The following SVOP variants were observed in gnomAD, a reference collection of about 807,000 sequenced individuals.
The protein encoded by SVOP is SV2 related protein, also known as synaptic vesicle 2-related protein.
SVOP carries 17 observed loss-of-function variants against 69.1 expected under a neutral mutation model. That is an observed-to-expected ratio of 0.25 (90% confidence interval 0.17 to 0.37). SVOP has a LOEUF of 0.37. Among genes scored for constraint, SVOP ranks in the 10% least tolerant of loss-of-function variants. The probability of loss-of-function intolerance (pLI) is 1.00; values close to 1 mark genes in which losing one functional copy is unlikely to be tolerated. For missense variants in SVOP, 435 were observed against 597.5 expected, an observed-to-expected ratio of 0.73 and a Z score of 2.84; for synonymous variants, 238 against 238.6, an observed-to-expected ratio of 1.00 and a Z score of 0.02.
intron 11 of SVOP, among the ~76,000 whole-genome samples, chr12:108,925,952 T>A (rs1276607017): frequency 6.6e-6 from 1 of 150,962 alleles, no homozygotes; most frequent in Non-Finnish European, 1.5e-5. Flanking sequence ...AGGGTCTCAC[T>A]TTGTCACCCA....
At position 108,922,734 on chromosome 12, in the gene SVOP, T is replaced by A; in HGVS notation, c.1112A>T (p.Glu371Val). The change falls in exon 12 of 16, where the codon GAG (glutamate) becomes GTG (valine). Residue 371 changes from glutamate (E) to valine (V), a missense_variant. Transcript: ENST00000610966. ...CSLACEYLSEEDYMDLLWTTL... is the reference protein window; with the variant it reads ...CSLACEYLSEVDYMDLLWTTL... ...GGTCCACAGCAAGTCCATGTAATCC[T>A]CCTCACTCAGGTACTCGCAGGCCAG... 1 of 1,611,750 alleles carries A rather than the reference T, an allele frequency of 6.2e-7. No individual in the cohort carries two copies.
chr12:108,960,737 A>T (rs1441612014), intron 6 of SVOP, among the ~76,000 whole-genome samples, 186 bp downstream of exon 6: 1 of 152,044 alleles, frequency 6.6e-6, no homozygotes, highest in Non-Finnish European at 1.5e-5. Context: ...GCTGTTGTTG[A>T]TCATAACAAT....
intron 1 of SVOP, among the ~76,000 whole-genome samples, chr12:108,988,423 A>G (rs1190836989): frequency 6.6e-6 from 1 of 152,140 alleles, no homozygotes; most frequent in Non-Finnish European, 1.5e-5. Flanking sequence ...TAAGAGTCCA[A>G]CTTCATTCTT....
chr12:108,944,479 T>G (rs2039911394), intron 7 of SVOP, among the ~76,000 whole-genome samples: 2 of 152,300 alleles, frequency 1.3e-5, no homozygotes, highest in South Asian at 4.1e-4. Context: ...AGTGGGTTCA[T>G]AGTCATCACT....
chr12:108,951,711 T>C (rs2137415027), intron 6 of SVOP, among the ~76,000 whole-genome samples: 1 of 152,346 alleles, frequency 6.6e-6, no homozygotes, highest in East Asian at 1.9e-4. Flanking sequence ...ACCTTCTGAC[T>C]ATATATGCCT....
At chr12:108,980,736 A>G (rs1167671289) in intron 2 of SVOP, among the ~76,000 whole-genome samples, 7 of 86,026 alleles carry the variant, frequency 8.1e-5, no homozygotes, top group South Asian at 3.2e-4. Flanking sequence ...TGGCCTGGGC[A>G]ACAGAGCGAG....
chr12:108,977,591 A>G, intron 3 of SVOP, 95 bp from the exon 4 acceptor site: 1 of 785,456 alleles, frequency 1.3e-6, no homozygotes, highest in Non-Finnish European at 2.1e-6. Flanking sequence ...AGACTGTAGC[A>G]CACCCCTCTC....
intron 9 of SVOP, among the ~76,000 whole-genome samples, chr12:108,938,182 G>A (rs1173062116): frequency 6.6e-6 from 1 of 152,226 alleles, no homozygotes; most frequent in Non-Finnish European, 1.5e-5. Flanking sequence ...TATTTTAAAA[G>A]GTAATTTCTT....
intron 6 of SVOP, among the ~76,000 whole-genome samples, chr12:108,946,690 T>TTTATTATTATTATTA (rs370752888): frequency 7.3e-6 from 1 of 136,526 alleles, no homozygotes; most frequent in Non-Finnish European, 1.6e-5. Flanking sequence ...GCAACCTGTT[T>TTTATTATTATTATTA]TTATTATTAT....
At chr12:108,968,221 T>A (rs999827477) in intron 5 of SVOP, among the ~76,000 whole-genome samples, 2 of 152,170 alleles carry the variant, frequency 1.3e-5, no homozygotes, top group Non-Finnish European at 2.9e-5. Context: ...ATTTATTGAG[T>A]GTGCACTCTC....
chr12:108,974,336 A>G (rs959839153), intron 4 of SVOP, among the ~76,000 whole-genome samples: 12 of 152,206 alleles, frequency 7.9e-5, no homozygotes, highest in Non-Finnish European at 1.5e-5. Context: ...TATCAAAATT[A>G]TATGTTGTTG....
chr12:108,953,413 G>A (rs1177734679), intron 6 of SVOP, among the ~76,000 whole-genome samples: 1 of 152,124 alleles, frequency 6.6e-6, no homozygotes, highest in Non-Finnish European at 1.5e-5. Flanking sequence ...CTCCCAAAGT[G>A]CTTGGATTAC....
intron 11 of SVOP, among the ~76,000 whole-genome samples, chr12:108,929,951 C>G (rs12425412): frequency 0.064 from 9,710 of 151,644 alleles, 833 homozygotes; most frequent in Admixed American, 0.26. Flanking sequence ...CTCCTAATTT[C>G]CAGCTGTGGG....
chr12:109,015,152 T>C (rs2040360949), intron 1 of SVOP, among the ~76,000 whole-genome samples: 1 of 152,118 alleles, frequency 6.6e-6, no homozygotes, highest in Admixed American at 6.5e-5. Flanking sequence ...GTGAAGCAGG[T>C]ACCTTGGAGA....
At chr12:108,932,652 C>A (rs187389063) in intron 11 of SVOP, among the ~76,000 whole-genome samples, 61 of 152,144 alleles carry the variant, frequency 4.0e-4, no homozygotes, top group African/African-American at 1.3e-3. Flanking sequence ...AACTGAATTC[C>A]GGCCATGATG....
rs111561906 is a variant in SVOP, at chr12:108,928,489, A to G, written c.1049-5692T>C. Among the ~76,000 whole-genome samples the G allele has an allele frequency of 5.8e-4, 89 of 152,194 alleles. 1 individual carries two copies. Among genetic ancestry groups the G allele is most frequent in the African/African-American group, 2.1e-3 (86 of 41,526 alleles). On this transcript the variant is annotated intron_variant, in intron 11 of 15. Transcript: ENST00000610966. ...TTTAAGTCAAAATAATTGGAGAAAC[A>G]GCATGTGGAGAAGGGGCCTCTGACC...
intron 1 of SVOP, among the ~76,000 whole-genome samples, chr12:109,014,473 G>C (rs2040358082): frequency 6.6e-6 from 1 of 152,104 alleles, no homozygotes; most frequent in Non-Finnish European, 1.5e-5. Context: ...TTCATGTTTG[G>C]CTATAGTGAA....
chr12:108,922,264 G>A (rs1040064590), intron 12 of SVOP, among the ~76,000 whole-genome samples: 2 of 152,180 alleles, frequency 1.3e-5, no homozygotes, highest in Non-Finnish European at 2.9e-5. Context: ...TTTCTGGCAG[G>A]CTATTATAAA....
At chr12:108,984,459 C>T (rs2040157136) in intron 1 of SVOP, among the ~76,000 whole-genome samples, 1 of 152,066 alleles carries the variant, frequency 6.6e-6, no homozygotes, top group Non-Finnish European at 1.5e-5. Context: ...CCCCGGCCCA[C>T]CCCAACCCCT....
Sources: gnomAD v4.1 joint callset for allele counts (sites outside exome capture counted in the v4.1 genomes callset) on GRCh38, gnomAD v4.1.1 for gene constraint, MANE v1.5 for transcripts, NCBI Gene and HGNC (gene_info 2026-07-23, HGNC 2026-07-21) for gene names.